DPY19L1: variants seen among roughly 807,000 people sequenced by gnomAD.
DPY19L1 encodes dpy-19 like C-mannosyltransferase 1.
A neutral mutation model predicts 96.9 loss-of-function variants in DPY19L1; 35 were observed. That is an observed-to-expected ratio of 0.36 (90% CI 0.28 to 0.48). DPY19L1 has a LOEUF of 0.48. Among genes scored for constraint, DPY19L1 ranks in the 20% least tolerant of loss-of-function variants. DPY19L1 has a pLI of 0.99. For synonymous variants in DPY19L1, 205 were observed against 252.6 expected, an observed-to-expected ratio of 0.81 and a Z score of 1.79; for missense variants, 521 against 777.9, an observed-to-expected ratio of 0.67 and a Z score of 3.93.
At chr7:35,031,398 T>C (rs931031713) in intron 1 of DPY19L1, among the ~76,000 whole-genome samples, 13 of 152,218 alleles carry the variant, frequency 8.5e-5, no homozygotes, top group African/African-American at 3.1e-4. Flanking sequence ...CATTTTATAC[T>C]AGGGACTTGA....
At chr7:35,020,791 C>T (rs953548146) in intron 1 of DPY19L1, among the ~76,000 whole-genome samples, 1 of 152,162 alleles carries the variant, frequency 6.6e-6, no homozygotes, top group Non-Finnish European at 1.5e-5. Context: ...TCACTGCAAC[C>T]TCCGCCTCCT....
intron 7 of DPY19L1, among the ~76,000 whole-genome samples, chr7:34,984,072 T>A (rs1287405315): frequency 1.3e-5 from 2 of 152,184 alleles, no homozygotes; most frequent in South Asian, 4.1e-4. Flanking sequence ...GGGAAAGCTA[T>A]CAACCTATAA....
intron 1 of DPY19L1, among the ~76,000 whole-genome samples, chr7:35,021,560 TTACTTG>T (rs1487042769): frequency 1.3e-5 from 2 of 152,246 alleles, no homozygotes; most frequent in Admixed American, 6.5e-5. Flanking sequence ...TATAAGTACT[TTACTTG>T]TACTAGCCAG....
chr7:35,022,767 TACACACACACGCAC>T (rs1786023760), intron 1 of DPY19L1, among the ~76,000 whole-genome samples: 1 of 145,450 alleles, frequency 6.9e-6, no homozygotes, highest in Admixed American at 6.9e-5. Context: ...TATATTTTGA[TACACACACACGCAC>T]ACACACACAC....
At chr7:35,033,013 G>A (rs1302544573) in intron 1 of DPY19L1, among the ~76,000 whole-genome samples, 1 of 152,096 alleles carries the variant, frequency 6.6e-6, no homozygotes, top group African/African-American at 2.4e-5. Context: ...TTTCCCAAGA[G>A]CAGATTTCTC....
intron 1 of DPY19L1, among the ~76,000 whole-genome samples, chr7:35,022,954 A>G (rs10243141): frequency 0.27 from 41,390 of 151,746 alleles, 5,770 homozygotes; most frequent in Non-Finnish European, 0.31. Context: ...CCTCGGAGAG[A>G]TTTCCCTGTC....
At position 34,931,748 on chromosome 7, in the gene DPY19L1, A is replaced by T; in HGVS notation, c.2091-19T>A. ...ACCAGGCCTAGAAAAATGAATGTACATGTTAAAAATCAATATGCATTATAT... is the reference window on the plus strand; with the variant it reads ...ACCAGGCCTAGAAAAATGAATGTACTTGTTAAAAATCAATATGCATTATAT... On this transcript the variant is annotated intron_variant, in intron 21 of 21. Transcript: ENST00000638088. 2 of 1,574,636 alleles carry T rather than the reference A, an allele frequency of 1.3e-6. No homozygotes were observed. The highest frequency in any genetic ancestry group is 2.7e-5 in the African/African-American group (2 of 73,648).
intron 13 of DPY19L1, among the ~76,000 whole-genome samples, chr7:34,950,420 G>C (rs1209485565): frequency 6.6e-6 from 1 of 152,222 alleles, no homozygotes; most frequent in African/African-American, 2.4e-5. Context: ...TGTTATCAAG[G>C]ATTCTCACTC....
Position 34,973,598 on chromosome 7 carries a change from C to A in DPY19L1, c.830G>T (p.Arg277Leu), listed in dbSNP as rs960181495. The part of the protein sequence containing the change: ...CFFFNHGECT[R>L]VMWTPPLRES... Reference sequence around the variant, plus strand: ...ACGGAGAGGTGGTGTCCACATTACACGGGTACACTGAAAAAAAAAATTTGT... The same window carrying A: ...ACGGAGAGGTGGTGTCCACATTACAAGGGTACACTGAAAAAAAAAATTTGT... Residue 277 changes from arginine to leucine, a missense_variant, in exon 8 of 22, where the codon CGT (arginine) becomes CTT (leucine). Arg to Leu is a moderately radical substitution (Grantham distance 102). Transcript: ENST00000638088. The A allele has an allele frequency of 1.4e-6, 2 of 1,454,702 alleles. No homozygotes were observed. Among genetic ancestry groups the A allele is most frequent in the Admixed American group, 4.8e-5 (2 of 41,838 alleles). The allele number at this position is 1,454,702 out of a possible 1,614,324, so 90.1% of individuals were successfully genotyped here.
chr7:34,958,128 T>G, intron 10 of DPY19L1, 58 bp from the exon 11 acceptor site: 2 of 1,264,118 alleles, frequency 1.6e-6, no homozygotes, highest in Non-Finnish European at 2.2e-6. Flanking sequence ...AACCTTTGTT[T>G]TTTATTGTGA....
chr7:35,035,907 TA>T (rs61261735), intron 1 of DPY19L1, among the ~76,000 whole-genome samples: 41,073 of 141,018 alleles, frequency 0.29, 5,720 homozygotes, highest in Non-Finnish European at 0.32. Flanking sequence ...GCTACTGAGA[TA>T]AAAAAAAAGG....
chr7:34,993,520 C>T (rs1194805788), intron 6 of DPY19L1, among the ~76,000 whole-genome samples: 1 of 151,888 alleles, frequency 6.6e-6, no homozygotes, highest in Non-Finnish European at 1.5e-5. Context: ...AAGCTACCCA[C>T]CCCCAACTAC....
At chr7:35,031,284 C>T (rs1786254045) in intron 1 of DPY19L1, among the ~76,000 whole-genome samples, 2 of 152,138 alleles carry the variant, frequency 1.3e-5, no homozygotes, top group Admixed American at 6.5e-5. Context: ...TACAGTGTAA[C>T]AAATATATAA....
At chr7:34,964,772 G>T (rs1649237) in intron 10 of DPY19L1, among the ~76,000 whole-genome samples, 73,504 of 151,936 alleles carry the variant, frequency 0.48, 18,288 homozygotes, top group Admixed American at 0.63. Context: ...TGGAACAATT[G>T]GAGCATCAAC....
At position 34,929,101 on chromosome 7, in the gene DPY19L1, C is replaced by T. The variant is rs1458134474; in HGVS notation, c.*2472G>A. Reference sequence around the variant, plus strand: ...AGAAATACAGCCCCAACTTTGTTTTCGAAAATGTTGTAGCAATAGCTATTT... The same window carrying T: ...AGAAATACAGCCCCAACTTTGTTTTTGAAAATGTTGTAGCAATAGCTATTT... On this transcript the variant is annotated 3_prime_UTR_variant, in exon 22 of 22. Transcript: ENST00000638088. 2.0e-5 allele frequency: 3 copies of T among 152,274 alleles called. No individual in the cohort carries two copies. Among genetic ancestry groups the T allele is most frequent in the Non-Finnish European group, 2.9e-5 (2 of 68,018 alleles). 9.4% of individuals were successfully genotyped at this position (152,274 alleles called of 1,614,324 possible).
chr7:34,971,300 G>A (rs567354414), intron 8 of DPY19L1, among the ~76,000 whole-genome samples: 2 of 152,286 alleles, frequency 1.3e-5, no homozygotes, highest in South Asian at 4.1e-4. Context: ...TTCAAGAAAG[G>A]AGGTTTAGCA....
chr7:35,031,095 A>G (rs1366356772), intron 1 of DPY19L1, among the ~76,000 whole-genome samples: 1 of 152,218 alleles, frequency 6.6e-6, no homozygotes, highest in Non-Finnish European at 1.5e-5. Flanking sequence ...TAAAGCCTAA[A>G]GCTACCCCAT....
At chr7:34,986,700 T>C (rs1343860903) in intron 7 of DPY19L1, among the ~76,000 whole-genome samples, 1 of 152,012 alleles carries the variant, frequency 6.6e-6, no homozygotes, top group Non-Finnish European at 1.5e-5. Context: ...TGGAAAAATA[T>C]TTAAGAAATA....
intron 6 of DPY19L1, among the ~76,000 whole-genome samples, chr7:34,999,529 A>C (rs374205131): frequency 2.1e-4 from 32 of 152,300 alleles, no homozygotes; most frequent in East Asian, 3.9e-4. Context: ...AATCCAATGC[A>C]AGAGAGGAAA....
Sources: allele counts gnomAD v4.1 joint callset (sites outside exome capture counted in the v4.1 genomes callset), GRCh38; gene constraint gnomAD v4.1.1; transcripts MANE v1.5; gene names NCBI Gene and HGNC (gene_info 2026-07-23, HGNC 2026-07-21).